The following PPP1R14C variants were observed in gnomAD, a reference collection of about 807,000 sequenced individuals.
PPP1R14C encodes the protein protein phosphatase 1 regulatory inhibitor subunit 14C, also known as protein phosphatase 1 regulatory subunit 14C.
PPP1R14C carries 16 observed loss-of-function variants against 20.4 expected under a neutral mutation model. The ratio of observed to expected loss-of-function variants is 0.78; its 90% CI spans 0.53 to 1.19. PPP1R14C has a LOEUF of 1.19. Ranked by LOEUF, PPP1R14C falls within the 50% of genes most tolerant of loss-of-function variation. The pLI is 0.00. For missense variants in PPP1R14C, 211 were observed against 220.1 expected, an observed-to-expected ratio of 0.96 and a Z score of 0.26; for synonymous variants, 91 against 91.0, an observed-to-expected ratio of 1.00 and a Z score of 0.00.
chr6:150,189,783 C>T (rs968481244), intron 1 of PPP1R14C, among the ~76,000 whole-genome samples: 5 of 152,198 alleles, frequency 3.3e-5, no homozygotes, highest in Admixed American at 1.3e-4. Flanking sequence ...TTATCAAGCA[C>T]ACCTCTGGAT....
chr6:150,242,497 A>G (rs1477945102), intron 3 of PPP1R14C, among the ~76,000 whole-genome samples: 2 of 152,240 alleles, frequency 1.3e-5, no homozygotes, highest in Non-Finnish European at 2.9e-5. Context: ...ATGGAAAAGC[A>G]TTAGGCAAAA....
At chr6:150,238,279 T>G (rs1314426096) in intron 3 of PPP1R14C, among the ~76,000 whole-genome samples, 1 of 152,240 alleles carries the variant, frequency 6.6e-6, no homozygotes, top group Non-Finnish European at 1.5e-5. Flanking sequence ...GAAATTGTAT[T>G]TCAACTGCTA....
At chr6:150,149,402 T>G (rs1448598198) in intron 1 of PPP1R14C, among the ~76,000 whole-genome samples, 2 of 151,354 alleles carry the variant, frequency 1.3e-5, no homozygotes, top group East Asian at 3.9e-4. Flanking sequence ...CACGGCTCAT[T>G]GCATCGTTGA....
chr6:150,181,744 G>C (rs956190277), intron 1 of PPP1R14C, among the ~76,000 whole-genome samples: 3 of 152,190 alleles, frequency 2.0e-5, no homozygotes, highest in Admixed American at 2.0e-4. Context: ...TGCTTTGAGT[G>C]TGTGTGAGCC....
intron 1 of PPP1R14C, among the ~76,000 whole-genome samples, chr6:150,195,388 C>T (rs2114891490): frequency 6.6e-6 from 1 of 152,290 alleles, no homozygotes; most frequent in Admixed American, 6.5e-5. Flanking sequence ...GTCGCTATTG[C>T]CCAGGCTAGA....
intron 3 of PPP1R14C, among the ~76,000 whole-genome samples, chr6:150,233,502 A>C (rs1461265923): frequency 6.6e-6 from 1 of 152,224 alleles, no homozygotes; most frequent in African/African-American, 2.4e-5. Context: ...TAGACATTTA[A>C]GAAAGACTAA....
At chr6:150,229,406 C>A (rs1778267301) in intron 3 of PPP1R14C, among the ~76,000 whole-genome samples, 1 of 151,994 alleles carries the variant, frequency 6.6e-6, no homozygotes, top group African/African-American at 2.4e-5. Context: ...TTTTACATTG[C>A]CCAAATTGAA....
intron 1 of PPP1R14C, among the ~76,000 whole-genome samples, chr6:150,160,706 A>G (rs1298779588): frequency 6.6e-6 from 1 of 152,058 alleles, no homozygotes; most frequent in Non-Finnish European, 1.5e-5. Context: ...TTATGTCAGT[A>G]TGGTTCACGT....
chr6:150,222,533 G>A (rs1778181117), intron 3 of PPP1R14C, among the ~76,000 whole-genome samples: 1 of 152,072 alleles, frequency 6.6e-6, no homozygotes. Context: ...ATTTCATAAT[G>A]ACATGTATCC....
At chr6:150,193,530 C>A (rs1439949487) in intron 1 of PPP1R14C, among the ~76,000 whole-genome samples, 1 of 150,252 alleles carries the variant, frequency 6.7e-6, no homozygotes, top group Non-Finnish European at 1.5e-5. Flanking sequence ...GGAAAGAGAT[C>A]GGAAATGAGA....
intron 3 of PPP1R14C, among the ~76,000 whole-genome samples, chr6:150,248,066 C>T (rs1195557362): frequency 6.6e-6 from 1 of 152,084 alleles, no homozygotes; most frequent in East Asian, 1.9e-4. Context: ...GGTGAGAGGA[C>T]AAGTGTGTGC....
chr6:150,198,086 C>T lies in PPP1R14C; in HGVS notation c.307-16658C>T, dbSNP rs1450416492. ...CACGGTGGAGGAGGGCCTGGATGCC[C>T]GGCTTTGTGTGCCCCTGCCCGTCAC... On this transcript the variant is annotated intron_variant, in intron 1 of 3. Transcript: ENST00000361131. Among the ~76,000 whole-genome samples the T allele has an allele frequency of 2.0e-3, 201 of 99,950 alleles. 2 individuals carry two copies. Among genetic ancestry groups the T allele is most frequent in the African/African-American group, 8.0e-3 (177 of 22,018 alleles). The allele number at this position is 99,950 out of a possible 152,430, so 65.6% of individuals were successfully genotyped here.
chr6:150,218,474 ACCC>A (rs761314559), intron 3 of PPP1R14C, among the ~76,000 whole-genome samples: 4 of 98,334 alleles, frequency 4.1e-5, no homozygotes, highest in African/African-American at 8.3e-5. Flanking sequence ...ATACATCTGA[ACCC>A]CCCCCCCCAA....
At chr6:150,194,573 C>G in intron 1 of PPP1R14C, 2 of 977,612 alleles carry the variant, frequency 2.0e-6, no homozygotes, top group Non-Finnish European at 2.4e-6. Flanking sequence ...CAGTAGGATG[C>G]AAAAATGATT....
intron 3 of PPP1R14C, among the ~76,000 whole-genome samples, chr6:150,219,658 G>T (rs1344186169): frequency 2.0e-5 from 3 of 152,136 alleles, no homozygotes; most frequent in Non-Finnish European, 4.4e-5. Context: ...TTCTCCTGGA[G>T]CCCCTATACA....
chr6:150,184,674 T>G (rs1308834377), intron 1 of PPP1R14C, among the ~76,000 whole-genome samples: 2 of 152,180 alleles, frequency 1.3e-5, no homozygotes, highest in Non-Finnish European at 2.9e-5. Context: ...TCTTTTGCCC[T>G]CAGTGGGTCC....
At chr6:150,166,341 A>G (rs1777422409) in intron 1 of PPP1R14C, among the ~76,000 whole-genome samples, 1 of 151,982 alleles carries the variant, frequency 6.6e-6, no homozygotes, top group African/African-American at 2.4e-5. Flanking sequence ...CGGCCTCCCA[A>G]AGTGCTGGGA....
intron 1 of PPP1R14C, among the ~76,000 whole-genome samples, chr6:150,151,864 T>TA (rs974678085): frequency 1.3e-5 from 2 of 152,138 alleles, no homozygotes; most frequent in African/African-American, 2.4e-5. Flanking sequence ...CTCACGCCTG[T>TA]AATCCCAGCA....
intron 3 of PPP1R14C, among the ~76,000 whole-genome samples, chr6:150,228,098 T>C (rs377648963): frequency 6.6e-6 from 1 of 152,170 alleles, no homozygotes; most frequent in African/African-American, 2.4e-5. Context: ...AAGCTCTACT[T>C]TAGAATATTT....
Sources: gnomAD v4.1 joint callset for allele counts (sites outside exome capture counted in the v4.1 genomes callset) on GRCh38, gnomAD v4.1.1 for gene constraint, MANE v1.5 for transcripts, NCBI Gene and HGNC (gene_info 2026-07-23, HGNC 2026-07-21) for gene names.